EPB41L5: variants seen among roughly 807,000 people sequenced by gnomAD.
EPB41L5 encodes band 4.1-like protein 5.
EPB41L5 carries 55 observed loss-of-function variants against 106.6 expected under a neutral mutation model. The ratio of observed to expected loss-of-function variants is 0.52; its 90% CI spans 0.42 to 0.65. The LOEUF is 0.65. EPB41L5 is among the 30% of genes least tolerant of loss of function. The pLI is 0.00. For missense variants in EPB41L5, 871 were observed against 882.1 expected (o/e 0.99, Z 0.16); for synonymous variants, 297 against 306.7 (o/e 0.97, Z 0.33).
chr2:120,027,295 T>C (rs1678393486), intron 2 of EPB41L5, among the ~76,000 whole-genome samples: 1 of 152,208 alleles, frequency 6.6e-6, no homozygotes, highest in Non-Finnish European at 1.5e-5. Flanking sequence ...ACCTGGATGC[T>C]CATCAATAGG....
chr2:120,061,583 C>G (rs1459369669), intron 3 of EPB41L5, among the ~76,000 whole-genome samples: 1 of 151,450 alleles, frequency 6.6e-6, no homozygotes, highest in Non-Finnish European at 1.5e-5. Context: ...AGTTCTTGAC[C>G]TCAGGTGATC....
intron 18 of EPB41L5, among the ~76,000 whole-genome samples, chr2:120,142,183 G>A (rs953260372): frequency 6.7e-6 from 1 of 148,528 alleles, no homozygotes; most frequent in Non-Finnish European, 1.5e-5. Context: ...ATTTTTAAGT[G>A]TATCGTTCAG....
intron 24 of EPB41L5, among the ~76,000 whole-genome samples, chr2:120,169,472 C>CAGGA (rs1423104034): frequency 6.6e-6 from 1 of 152,030 alleles, no homozygotes; most frequent in Non-Finnish European, 1.5e-5. Context: ...TTTAGTCTTA[C>CAGGA]AGGAAAAAAA....
intron 24 of EPB41L5, among the ~76,000 whole-genome samples, chr2:120,170,227 TATTA>T (rs1382915799): frequency 2.0e-5 from 3 of 152,252 alleles, no homozygotes; most frequent in Non-Finnish European, 4.4e-5. Flanking sequence ...AACATAATTG[TATTA>T]ATTGTCTACT....
At chr2:120,039,557 G>A (rs1679257855) in intron 2 of EPB41L5, among the ~76,000 whole-genome samples, 1 of 152,130 alleles carries the variant, frequency 6.6e-6, no homozygotes, top group South Asian at 2.1e-4. Context: ...CAGGCGTGGT[G>A]GCTCACACCT....
At chr2:120,094,384 A>G (rs79719699) in intron 14 of EPB41L5, among the ~76,000 whole-genome samples, 160 of 151,012 alleles carry the variant, frequency 1.1e-3, no homozygotes, top group African/African-American at 3.5e-3. Context: ...GTGGGGATAC[A>G]GTTTGTATTC....
intron 1 of EPB41L5, among the ~76,000 whole-genome samples, chr2:120,015,313 C>T (rs1213240863): frequency 2.7e-5 from 4 of 146,958 alleles, no homozygotes; most frequent in Admixed American, 1.4e-4. Flanking sequence ...GGCAACAGAG[C>T]GAGACTCAAA....
intron 16 of EPB41L5, 36 bp downstream of exon 16, chr2:120,100,850 C>G (rs1417098062): frequency 7.4e-7 from 1 of 1,353,256 alleles, no homozygotes; most frequent in Non-Finnish European, 1.0e-6. Context: ...AAAATATTGC[C>G]TAGTTAATTG....
intron 24 of EPB41L5, among the ~76,000 whole-genome samples, chr2:120,170,106 A>T (rs1687605958): frequency 6.6e-6 from 1 of 152,278 alleles, no homozygotes; most frequent in South Asian, 2.1e-4. Context: ...ATAATAGTCC[A>T]AACTGAAAAC....
intron 20 of EPB41L5, among the ~76,000 whole-genome samples, chr2:120,156,627 A>C (rs72841646): frequency 0.053 from 8,096 of 152,182 alleles, 270 homozygotes; most frequent in African/African-American, 0.082. Context: ...AGGCATGGAG[A>C]ACAGCAGATT....
chr2:120,017,546 T>G (rs1176570286), intron 1 of EPB41L5, among the ~76,000 whole-genome samples: 1 of 152,240 alleles, frequency 6.6e-6, no homozygotes, highest in Non-Finnish European at 1.5e-5. Flanking sequence ...TGATTTTGTG[T>G]TTCCATTTAG....
intron 3 of EPB41L5, among the ~76,000 whole-genome samples, chr2:120,059,591 A>G (rs912248981): frequency 3.3e-5 from 5 of 152,174 alleles, no homozygotes; most frequent in African/African-American, 9.7e-5. Context: ...CTGACCAGGA[A>G]CTCGTGTCTA....
intron 3 of EPB41L5, among the ~76,000 whole-genome samples, chr2:120,047,295 A>T (rs1345645125): frequency 6.6e-6 from 1 of 152,222 alleles, no homozygotes; most frequent in Non-Finnish European, 1.5e-5. Context: ...ATCCATGAGC[A>T]TGGAATGTTC....
intron 2 of EPB41L5, among the ~76,000 whole-genome samples, chr2:120,022,137 T>C (rs1411786169): frequency 6.6e-6 from 1 of 152,240 alleles, no homozygotes; most frequent in Non-Finnish European, 1.5e-5. Flanking sequence ...TTATAAGTTT[T>C]AAATTGGGAA....
intron 1 of EPB41L5, among the ~76,000 whole-genome samples, chr2:120,018,792 G>C (rs112619368): frequency 2.4e-4 from 36 of 151,978 alleles, no homozygotes; most frequent in Non-Finnish European, 5.0e-4. Flanking sequence ...GGGACCACAG[G>C]CATGCACCAC....
chr2:120,097,635 T>G (rs939899254), intron 14 of EPB41L5, among the ~76,000 whole-genome samples: 2 of 152,158 alleles, frequency 1.3e-5, no homozygotes, highest in Non-Finnish European at 2.9e-5. Flanking sequence ...ATATGCAGTC[T>G]TGAAGACAGG....
chr2:120,160,623 G>A (rs946241070), intron 20 of EPB41L5: 14 of 381,270 alleles, frequency 3.7e-5, no homozygotes, highest in East Asian at 2.8e-4. Flanking sequence ...CACCAGCAGC[G>A]TAAGAGGGTT....
rs1043073883 is a variant in EPB41L5, at chr2:120,177,485, T to C, written c.*2578T>C. 6.6e-6 allele frequency: 1 copy of C among 152,090 alleles called. No homozygotes were observed. Among genetic ancestry groups the C allele is most frequent in the Admixed American group, 6.5e-5 (1 of 15,272 alleles). The allele number at this position is 152,090 out of a possible 1,614,324, so 9.4% of individuals were successfully genotyped here. A position where few individuals can be genotyped will look rare whatever the true frequency, so the allele number is the denominator to read the frequency against. ...AACTCAGTCCATTTCATAGCCCTGA[T>C]AGGGGAAGTGGGAGTTGACAGGATG... On this transcript the variant is annotated 3_prime_UTR_variant, in exon 25 of 25. Transcript: ENST00000263713.
rs552199404 is a variant in EPB41L5, at chr2:120,084,958, C to T, written c.804-2213C>T. On this transcript the variant is annotated intron_variant, in intron 10 of 24. Coordinates refer to ENST00000263713, the MANE Select transcript of EPB41L5 (RefSeq NM_020909.4). ...GTGCATGCATCACGTCGTTCTCATG[C>T]CATGGTTTTCAGCTCCATCAGGTCA... Among the ~76,000 whole-genome samples the T allele has an allele frequency of 4.6e-5, 7 of 152,286 alleles. No individual in the cohort carries two copies. In the South Asian group the frequency reaches 1.2e-3, roughly 27 times the overall value.
Sources: gnomAD v4.1 joint callset for allele counts (sites outside exome capture counted in the v4.1 genomes callset) on GRCh38, gnomAD v4.1.1 for gene constraint, MANE v1.5 for transcripts, NCBI Gene and HGNC (gene_info 2026-07-23, HGNC 2026-07-21) for gene names.